Variants in PARD3 observed in about 807,000 individuals in gnomAD.
PARD3 encodes par-3 family cell polarity regulator, also known as partitioning defective 3 homolog.
Under a neutral mutation model 155.4 loss-of-function variants are expected in PARD3, and 75 were observed. The ratio of observed to expected loss-of-function variants is 0.48; its 90% CI spans 0.40 to 0.58. The LOEUF is 0.58. Among genes scored for constraint, PARD3 ranks in the 20% least tolerant of loss-of-function variants. The pLI, the probability that PARD3 is intolerant of heterozygous loss-of-function variation, is 0.00. For synonymous variants in PARD3, 576 were observed against 610.5 expected (o/e 0.94, Z 0.83); for missense variants, 1,642 against 1,721.7 (o/e 0.95, Z 0.82).
Position 34,441,102 on chromosome 10 carries a change from C to T in PARD3, c.714+9215G>A, listed in dbSNP as rs534581443. ...AAGCAAAAATCAAATTGCGAAATGA[C>T]GATGGGGGCATTAGAAATACACCAG... On this transcript the variant is annotated intron_variant, in intron 5 of 24. Coordinates refer to ENST00000374788, the MANE Select transcript of PARD3 (RefSeq NM_001184785.2). Among the ~76,000 whole-genome samples the T allele has an allele frequency of 3.3e-5, 5 of 152,148 alleles. No homozygotes were observed. The South Asian group carries it at 6.2e-4, about 19-fold the overall frequency.
intron 22 of PARD3, among the ~76,000 whole-genome samples, chr10:34,196,527 C>A (rs7907524): frequency 0.12 from 18,366 of 150,464 alleles, 2,039 homozygotes; most frequent in African/African-American, 0.29. Context: ...CTTAGTTTTG[C>A]CTGTATTGTC....
intron 2 of PARD3, among the ~76,000 whole-genome samples, chr10:34,584,758 T>C (rs1391615527): frequency 6.6e-6 from 1 of 152,086 alleles, no homozygotes; most frequent in Non-Finnish European, 1.5e-5. Context: ...TGGCTGTCAA[T>C]TAAGCTAACT....
At chr10:34,226,857 G>A (rs35333776) in intron 22 of PARD3, among the ~76,000 whole-genome samples, 4,364 of 152,180 alleles carry the variant, frequency 0.029, 97 homozygotes, top group Non-Finnish European at 0.039. Flanking sequence ...CTTATAATGG[G>A]ATACTATGAA....
chr10:34,297,350 A>C lies in PARD3; in HGVS notation c.3066-13105T>G, dbSNP rs113522815. On this transcript the variant is annotated intron_variant, in intron 20 of 24. Coordinates refer to ENST00000374788, the MANE Select transcript of PARD3 (RefSeq NM_001184785.2). ...AATAAGAGCTTAACTCTAAAATCAA[A>C]AAGACTTGGGGTATTTGATGTGTGA... Among the ~76,000 whole-genome samples, 845 of 152,304 alleles carry C rather than the reference A, an allele frequency of 5.5e-3. 7 individuals carry two copies. Among genetic ancestry groups the C allele is most frequent in the African/African-American group, 0.019 (801 of 41,564 alleles).
chr10:34,789,228 G>C (rs1588756353), intron 1 of PARD3, among the ~76,000 whole-genome samples: 1 of 151,446 alleles, frequency 6.6e-6, no homozygotes, highest in South Asian at 2.1e-4. Flanking sequence ...GGAGGCCGAG[G>C]CCGCAGTGAG....
At chr10:34,699,333 A>AT (rs1206328150) in intron 1 of PARD3, among the ~76,000 whole-genome samples, 5 of 151,838 alleles carry the variant, frequency 3.3e-5, no homozygotes, top group Non-Finnish European at 7.4e-5. Flanking sequence ...AAAAATAAAA[A>AT]AATAATAAAT....
At chr10:34,269,443 T>C (rs1294259428) in intron 22 of PARD3, among the ~76,000 whole-genome samples, 3 of 152,194 alleles carry the variant, frequency 2.0e-5, no homozygotes, top group Admixed American at 1.3e-4. Flanking sequence ...AAATGAAATA[T>C]GTTGGAATCA....
intron 22 of PARD3, among the ~76,000 whole-genome samples, chr10:34,146,836 A>G (rs540474774): frequency 6.6e-6 from 1 of 152,308 alleles, no homozygotes; most frequent in East Asian, 1.9e-4. Flanking sequence ...GCATGCCTCA[A>G]GAATACAATT....
chr10:34,697,473 G>A (rs2094195927), intron 1 of PARD3, among the ~76,000 whole-genome samples: 1 of 152,126 alleles, frequency 6.6e-6, no homozygotes, highest in African/African-American at 2.4e-5. Flanking sequence ...CTAAGACCCT[G>A]GAGCAGGGGT....
intron 5 of PARD3, among the ~76,000 whole-genome samples, chr10:34,443,366 C>T (rs191834840): frequency 3.9e-5 from 6 of 152,132 alleles, no homozygotes; most frequent in Admixed American, 2.6e-4. Context: ...TTGAATATAA[C>T]TTATATATTG....
At chr10:34,658,108 T>G (rs1231625936) in intron 2 of PARD3, among the ~76,000 whole-genome samples, 1 of 149,692 alleles carries the variant, frequency 6.7e-6, no homozygotes, top group Non-Finnish European at 1.5e-5. Flanking sequence ...ATTGCGCCAC[T>G]GCACTCCAGC....
intron 2 of PARD3, among the ~76,000 whole-genome samples, chr10:34,546,082 CAATA>C (rs1351668169): frequency 2.0e-5 from 3 of 152,078 alleles, no homozygotes; most frequent in Admixed American, 6.5e-5. Context: ...ATTAGAAATA[CAATA>C]AATAAAATAT....
chr10:34,380,797 C>G (rs1432301282), intron 9 of PARD3, among the ~76,000 whole-genome samples: 2 of 152,042 alleles, frequency 1.3e-5, no homozygotes, highest in Non-Finnish European at 2.9e-5. Context: ...TATTTATGAA[C>G]CAGTATCTTT....
At chr10:34,464,740 A>G (rs1589672383) in intron 4 of PARD3, among the ~76,000 whole-genome samples, 1 of 152,206 alleles carries the variant, frequency 6.6e-6, no homozygotes, top group East Asian at 1.9e-4. Context: ...AATTCTCTCA[A>G]TACAGCAGAA....
chr10:34,156,715 G>C (rs1949022821), intron 22 of PARD3, among the ~76,000 whole-genome samples: 1 of 152,176 alleles, frequency 6.6e-6, no homozygotes, highest in African/African-American at 2.4e-5. Context: ...GTCCCACTTT[G>C]AGGAGCAGCC....
At chr10:34,484,368 G>A (rs144658622) in intron 3 of PARD3, among the ~76,000 whole-genome samples, 203 of 152,254 alleles carry the variant, frequency 1.3e-3, no homozygotes, top group African/African-American at 4.5e-3. Flanking sequence ...CTAAATGAAC[G>A]ACTCTCATAA....
intron 22 of PARD3, among the ~76,000 whole-genome samples, chr10:34,186,355 CT>C (rs1950494432): frequency 1.9e-5 from 2 of 105,650 alleles, no homozygotes; most frequent in South Asian, 3.1e-4. Context: ...ATGAGACCCT[CT>C]TAAAAAAAAA....
At chr10:34,534,252 C>A (rs1218645919) in intron 2 of PARD3, among the ~76,000 whole-genome samples, 1 of 148,938 alleles carries the variant, frequency 6.7e-6, no homozygotes, top group African/African-American at 2.5e-5. Flanking sequence ...GGTGACAGAG[C>A]GAGACTCCAT....
rs1451870342 is a variant in PARD3 at position 34,451,244 on chromosome 10, A to T, written c.583-796T>A. Among the ~76,000 whole-genome samples, 3 of 152,222 alleles carry T rather than the reference A, an allele frequency of 2.0e-5. No homozygotes were observed. The East Asian group carries it at 5.8e-4, about 29-fold the overall frequency. On this transcript the variant is annotated intron_variant, in intron 4 of 24. Coordinates refer to ENST00000374788, the MANE Select transcript of PARD3 (RefSeq NM_001184785.2). ...TTCAATGTTCTGAAAAGAAATGAGA[A>T]AGCTAGGATAAACTAGGGGAGTCAA...
Sources: allele counts gnomAD v4.1 joint callset (sites outside exome capture counted in the v4.1 genomes callset), GRCh38; gene constraint gnomAD v4.1.1; transcripts MANE v1.5; gene names NCBI Gene and HGNC (gene_info 2026-07-23, HGNC 2026-07-21).